Variants in BCL2 observed in about 807,000 individuals in gnomAD.
The protein encoded by BCL2 is BCL2 apoptosis regulator.
BCL2 carries 1 observed loss-of-function variant against 14.2 expected under a neutral mutation model. The ratio of observed to expected loss-of-function variants is 0.07; its 90% confidence interval spans 0.02 to 0.33. The LOEUF (loss-of-function observed/expected upper bound fraction) is 0.33. Ranked by LOEUF, BCL2 falls within the 10% of genes least tolerant of loss-of-function variation. BCL2 has a pLI of 0.99. For synonymous variants in BCL2, 151 were observed against 137.2 expected, an observed-to-expected ratio of 1.10 and a Z score of -0.70; for missense variants, 247 against 305.9, an observed-to-expected ratio of 0.81 and a Z score of 1.44.
At chr18:63,310,781 C>T (rs1216452992) in intron 2 of BCL2, among the ~76,000 whole-genome samples, 1 of 152,222 alleles carries the variant, frequency 6.6e-6, no homozygotes, top group African/African-American at 2.4e-5. Flanking sequence ...TGGACAATTG[C>T]TCATTTCCCT....
intron 2 of BCL2, among the ~76,000 whole-genome samples, chr18:63,217,426 A>G (rs1910235643): frequency 6.6e-6 from 1 of 152,178 alleles, no homozygotes; most frequent in Admixed American, 6.5e-5. Context: ...TGGTCAGGAA[A>G]AAAATGAGGA....
intron 2 of BCL2, among the ~76,000 whole-genome samples, chr18:63,140,821 G>T (rs1914336834): frequency 6.6e-6 from 1 of 152,158 alleles, no homozygotes; most frequent in Admixed American, 6.5e-5. Context: ...CCCAATAAAA[G>T]AGCTTAATTA....
intron 2 of BCL2, among the ~76,000 whole-genome samples, chr18:63,195,537 C>G (rs1909423751): frequency 6.6e-6 from 1 of 152,154 alleles, no homozygotes; most frequent in Non-Finnish European, 1.5e-5. Flanking sequence ...AAAGAAGGAG[C>G]TTTATCTTCA....
intron 2 of BCL2, among the ~76,000 whole-genome samples, chr18:63,132,716 TTCCTGATTTTTCAAACA>T (rs1413710376): frequency 9.2e-5 from 14 of 152,236 alleles, no homozygotes; most frequent in Non-Finnish European, 1.9e-4. Context: ...GTAGAAAGTC[TTCCTGATTTTTCAAACA>T]TCCTGATTGG....
intron 2 of BCL2, among the ~76,000 whole-genome samples, chr18:63,134,902 T>C (rs918848428): frequency 1.3e-5 from 2 of 152,214 alleles, no homozygotes. Context: ...TTTGTCTCCA[T>C]GGGGACCTCT....
At chr18:63,273,504 G>C (rs183529806) in intron 2 of BCL2, among the ~76,000 whole-genome samples, 5 of 152,154 alleles carry the variant, frequency 3.3e-5, no homozygotes, top group Admixed American at 3.3e-4. Flanking sequence ...AAAGTAAACT[G>C]ACAATGATAA....
chr18:63,130,296 A>G (rs2144586127), intron 2 of BCL2, among the ~76,000 whole-genome samples: 1 of 152,332 alleles, frequency 6.6e-6, no homozygotes, highest in South Asian at 2.1e-4. Context: ...CAGTTTTATT[A>G]CAGGAAACAG....
intron 2 of BCL2, among the ~76,000 whole-genome samples, chr18:63,137,523 C>T (rs938132132): frequency 6.6e-6 from 1 of 152,144 alleles, no homozygotes; most frequent in African/African-American, 2.4e-5. Flanking sequence ...TATTCAGAGA[C>T]CAAATAAAGG....
intron 2 of BCL2, among the ~76,000 whole-genome samples, chr18:63,133,364 G>C (rs1358824856): frequency 7.8e-6 from 1 of 128,978 alleles, no homozygotes; most frequent in Non-Finnish European, 1.6e-5. Context: ...TGTCACTCAG[G>C]CTGGAGTGCA....
intron 2 of BCL2, among the ~76,000 whole-genome samples, chr18:63,200,811 T>C (rs558312740): frequency 6.6e-6 from 1 of 151,926 alleles, no homozygotes; most frequent in African/African-American, 2.4e-5. Context: ...TTTATAGAGA[T>C]GGGGTCTCGC....
chr18:63,188,310 A>G (rs1915640359), intron 2 of BCL2, among the ~76,000 whole-genome samples: 1 of 152,238 alleles, frequency 6.6e-6, no homozygotes, highest in Non-Finnish European at 1.5e-5. Flanking sequence ...TGCTGGCTGC[A>G]TGGCTTTAGC....
intron 2 of BCL2, among the ~76,000 whole-genome samples, chr18:63,183,917 G>A (rs191204196): frequency 1.3e-5 from 2 of 152,216 alleles, no homozygotes; most frequent in Non-Finnish European, 2.9e-5. Context: ...TGTATCTTAA[G>A]GCAGCACTCC....
In BCL2 at chr18:63,318,426, C is replaced by T; in HGVS notation, c.241G>A (p.Ala81Thr). The change falls in exon 2 of 3, where the codon GCC becomes ACC. Residue 81 changes from alanine to threonine, a missense_variant. Ala to Thr is a moderately conservative substitution (Grantham distance 58). Around this residue, in one of 3 missense-constraint regions of BCL2, gnomAD observed 144 missense variants for 135.3 expected, o/e 1.06. Transcript: ENST00000333681. This position sits in a 1 kb window ranked among gnomAD's most constrained non-coding sequence, Gnocchi z 7.4. ...PLQTPAAPGA[A>T]AGPALSPVPP... ...ACCGGGCTGAGCGCAGGCCCCGCGG[C>T]GGCGCCGGGGGCAGCCGGGGTCTGC... 1.3e-6 allele frequency: 2 copies of T among 1,488,428 alleles called. No individual in the cohort carries two copies. The highest frequency in any genetic ancestry group is 1.8e-6 in the Non-Finnish European group (2 of 1,129,392). 92.2% of individuals were successfully genotyped at this position (1,488,428 alleles called of 1,614,324 possible). A position where few individuals can be genotyped will look rare whatever the true frequency, so the allele number is the denominator to read the frequency against.
At position 63,280,438 on chromosome 18, in the gene BCL2, A is replaced by G. The variant is rs150386683; in HGVS notation, c.585+37644T>C. ...AGCATTGCAAATTGTATATCTGATA[A>G]CGGATTAACGTCCAGAATATGTAAA... On this transcript the variant is annotated intron_variant, in intron 2 of 2. Transcript: ENST00000333681. 8.1e-3 allele frequency among the ~76,000 whole-genome samples: 1,229 copies of G among 152,330 alleles called. 20 individuals carry two copies. The highest frequency in any genetic ancestry group is 0.028 in the African/African-American group (1,171 of 41,570).
At chr18:63,172,250 T>C (rs1004292350) in intron 2 of BCL2, among the ~76,000 whole-genome samples, 1 of 152,214 alleles carries the variant, frequency 6.6e-6, no homozygotes, top group African/African-American at 2.4e-5. Context: ...ACTTTTCACA[T>C]CCTTTCATTC....
At chr18:63,223,536 G>A (rs1444697808) in intron 2 of BCL2, among the ~76,000 whole-genome samples, 1 of 152,208 alleles carries the variant, frequency 6.6e-6, no homozygotes, top group East Asian at 1.9e-4. Context: ...TTTGAACTCT[G>A]GGAGAGGATT....
At chr18:63,177,076 C>T (rs1915368523) in intron 2 of BCL2, among the ~76,000 whole-genome samples, 1 of 151,976 alleles carries the variant, frequency 6.6e-6, no homozygotes. Context: ...ACCCCCACGC[C>T]CATGTAATTT....
intron 2 of BCL2, among the ~76,000 whole-genome samples, chr18:63,169,324 T>C (rs12957272): frequency 0.022 from 1,743 of 78,380 alleles, 111 homozygotes; most frequent in Middle Eastern, 0.044. Flanking sequence ...TCCTTCCTTC[T>C]TTCCTTTCCT....
chr18:63,158,826 A>C (rs1325780681), intron 2 of BCL2, among the ~76,000 whole-genome samples: 1 of 152,202 alleles, frequency 6.6e-6, no homozygotes, highest in Non-Finnish European at 1.5e-5. Flanking sequence ...TTTATAAAAG[A>C]TGCTAGATAA....
Sources: allele counts gnomAD v4.1 joint callset (sites outside exome capture counted in the v4.1 genomes callset), GRCh38; gene constraint gnomAD v4.1.1; regional missense constraint gnomAD v4.1.1; non-coding constraint Gnocchi (gnomAD v3.1); transcripts MANE v1.5; gene names NCBI Gene and HGNC (gene_info 2026-07-23, HGNC 2026-07-21).